DUOX2: variants seen among roughly 807,000 people sequenced by gnomAD.
DUOX2 encodes the protein NADH/NADPH thyroid oxidase p138-tox.
In DUOX2, 185 loss-of-function variants were observed where a neutral mutation model predicts 183.3. The ratio of observed to expected loss-of-function variants is 1.01; its 90% CI spans 0.90 to 1.14. DUOX2 has a LOEUF of 1.14. DUOX2 is among the 50% of genes most tolerant of loss of function. The pLI is 0.00. For missense variants in DUOX2, 1,999 were observed against 2,022.9 expected (o/e 0.99, Z 0.23); for synonymous variants, 788 against 812.4 (o/e 0.97, Z 0.51).
chr15:45,106,174 T>C lies in DUOX2; in HGVS notation c.2099A>G (p.Asn700Ser), dbSNP rs758340800. Residue 700 changes from asparagine to serine, a missense_variant, in exon 17 of 34, where the codon AAC (asparagine) becomes AGC (serine). This residue lies in a region of DUOX2 where 1,628 missense variants were observed against 1,608.6 expected (regional missense o/e 1.01). Coordinates refer to ENST00000389039, the MANE Select transcript of DUOX2 (RefSeq NM_001363711.2). ...LQQVNLILSN[N>S]RGCRTLLLKI... The stretch of plus-strand genomic sequence containing the variant: ...GAGCAGCAGGGTGCGGCATCCTCGG[T>C]TGTTGGACAGGATGAGGTTGACCTG... 5.6e-6 allele frequency: 9 copies of C among 1,614,148 alleles called. No homozygotes were observed. Among genetic ancestry groups the C allele is most frequent in the Non-Finnish European group, 5.9e-6 (7 of 1,180,002 alleles).
chr15:45,108,430 C>G, intron 12 of DUOX2: 1 of 628,006 alleles, frequency 1.6e-6, no homozygotes, highest in Non-Finnish European at 2.8e-6. Context: ...GGTCAGGTGC[C>G]CTAGGACCAT....
intron 33 of DUOX2, 97 bp from the exon 34 acceptor site, chr15:45,094,369 G>C (rs1893844454): frequency 1.9e-6 from 3 of 1,587,576 alleles, no homozygotes; most frequent in Admixed American, 3.5e-5. Flanking sequence ...AATGACTAAG[G>C]CTTCAAGCCC....
In DUOX2 at chr15:45,113,237, C is replaced by A. The variant is rs552624293; in HGVS notation, c.70+105G>T. 5.0e-4 allele frequency: 727 copies of A among 1,468,348 alleles called. 7 individuals carry two copies. The African/African-American group carries it at 9.6e-3, about 19-fold the overall frequency. 91.0% of individuals were successfully genotyped at this position (1,468,348 alleles called of 1,614,324 possible). On this transcript the variant is annotated intron_variant, in intron 2 of 33. Coordinates refer to ENST00000389039, the MANE Select transcript of DUOX2 (RefSeq NM_001363711.2). ...TTTCCCATCCCGCTGAGCTGCACGG[C>A]GAAATGACCTTCCAGTCTCAGGGAG...
At chr15:45,113,201 G>A in intron 2 of DUOX2, 125 bp from the exon 3 acceptor site, 2 of 1,432,150 alleles carry the variant, frequency 1.4e-6, no homozygotes, top group Non-Finnish European at 1.9e-6. Context: ...GTGTCGGGCC[G>A]CACTGGGAAG....
In DUOX2 at chr15:45,106,584, A is replaced by G; in HGVS notation, c.1889T>C (p.Leu630Pro). ...CACGCTCTCTTTGAGTTTCTTTTGT[A>G]GCTTCTTGTGTTCTCGGCCCCGGAA... ...AYFRGREHKK[L>P]QKKLKESVKK... Residue 630 changes from leucine (L) to proline (P), a missense_variant, in exon 16 of 34, where the codon CTA (leucine) becomes CCA (proline). Transcript: ENST00000389039. The G allele has an allele frequency of 6.2e-7, 1 of 1,613,898 alleles. No homozygotes were observed. The highest frequency in any genetic ancestry group is 1.6e-4 in the Middle Eastern group (1 of 6,062).
At chr15:45,099,970 T>C in intron 24 of DUOX2, 78 bp from the exon 25 acceptor site, 1 of 1,612,294 alleles carries the variant, frequency 6.2e-7, no homozygotes, top group South Asian at 1.1e-5. Context: ...ATGCAGACTC[T>C]TAGGATCAGA....
At position 45,112,599 on chromosome 15, in the gene DUOX2, C is replaced by T; in HGVS notation, c.280G>A (p.Gly94Ser). 1 of 1,612,958 alleles carries T rather than the reference C, an allele frequency of 6.2e-7. No homozygotes were observed. The highest frequency in any genetic ancestry group is 8.5e-7 in the Non-Finnish European group (1 of 1,179,728). Residue 94 changes from glycine to serine, a missense_variant, in exon 4 of 34, where the codon GGC becomes AGC. By Grantham distance (56) the Gly-to-Ser change is moderately conservative. Coordinates refer to ENST00000389039, the MANE Select transcript of DUOX2 (RefSeq NM_001363711.2). The stretch of plus-strand genomic sequence containing the variant: ...GTGCGGTTGTGGAGCGACGGCAGGC[C>T]GGCTATGCCCCGCGTGGCTGCGTTG... ...LSNAATRGIA[G>S]LPSLHNRTVL... is the part of the protein sequence containing the mutation.
intron 14 of DUOX2, 66 bp from the exon 15 acceptor site, chr15:45,107,035 C>T (rs1894238698): frequency 1.9e-6 from 3 of 1,551,234 alleles, no homozygotes; most frequent in Non-Finnish European, 2.6e-6. Flanking sequence ...ACCTCTTTCC[C>T]CTCTATCCTA....
In DUOX2 at chr15:45,111,213, G is replaced by A. The variant is rs1894386911; in HGVS notation, c.780C>T (p.Arg260=). ...GCCTCTGCGCCCACAGGTTGTGGTA[G>A]CGGAACCAGAGCAGGCCCAGCGCCT... ...FLQALGLLWF[R]YHNLWAQRLA... Residue 260 remains arginine (R), a synonymous_variant, in exon 7 of 34, where the codon CGC becomes CGT. Coordinates refer to ENST00000389039, the MANE Select transcript of DUOX2 (RefSeq NM_001363711.2). 7.8e-7 allele frequency: 1 copy of A among 1,282,632 alleles called. No homozygotes were observed. The highest frequency in any genetic ancestry group is 1.1e-6 in the Non-Finnish European group (1 of 936,726). 79.5% of individuals were successfully genotyped at this position (1,282,632 alleles called of 1,614,324 possible). A position where few individuals can be genotyped will look rare whatever the true frequency, so the allele number is the denominator to read the frequency against.
Position 45,108,363 on chromosome 15 carries a change from T to C in DUOX2, c.1399-141A>G, listed in dbSNP as rs1362113578. On this transcript the variant is annotated intron_variant, in intron 12 of 33. Transcript: ENST00000389039. Reference sequence around the variant, plus strand: ...ATTTCCTCTTCTTAGGCAAGCCCCCTCAGGCAGGACAAGTCTGGTGGAAGG... The same window carrying C: ...ATTTCCTCTTCTTAGGCAAGCCCCCCCAGGCAGGACAAGTCTGGTGGAAGG... The C allele has an allele frequency of 9.0e-6, 9 of 1,003,522 alleles. No homozygotes were observed. In the East Asian group the frequency reaches 2.1e-4, roughly 23 times the overall value. 62.2% of individuals were successfully genotyped at this position (1,003,522 alleles called of 1,614,324 possible).
Position 45,108,767 on chromosome 15 carries a change from TATTATC to T in DUOX2, c.1398+16_1398+21del, listed in dbSNP as rs1220708303. 6.2e-7 allele frequency: 1 copy of T among 1,613,776 alleles called. No individual in the cohort carries two copies. Among genetic ancestry groups the T allele is most frequent in the South Asian group, 1.1e-5 (1 of 91,034 alleles). On this transcript the variant is annotated intron_variant, in intron 12 of 33. Transcript: ENST00000389039. ...GCCATAGGAAAGCTTTAGCTGCCAT[TATTATC>T]ATTACTATTCCTGACCTGGGGGTCC...
Position 45,094,671 on chromosome 15 carries a change from G to A in DUOX2, c.4416C>T (p.Phe1472=). 1 of 1,614,110 alleles carries A rather than the reference G, an allele frequency of 6.2e-7. No individual in the cohort carries two copies. The highest frequency in any genetic ancestry group is 8.5e-7 in the Non-Finnish European group (1 of 1,180,002). Residue 1472 remains phenylalanine (F), a synonymous_variant, in exon 33 of 34, where the codon TTC becomes TTT. Transcript: ENST00000389039. The stretch of plus-strand genomic sequence containing the variant: ...ACAGACTCCGGTTCAGCACTTTCTG[G>A]AAGTGCCGCTCGCAGATGTACTGGG... ...TTMLYICERH[F]QKVLNRSLFT...
At chr15:45,112,917 G>T (rs2141160016) in intron 3 of DUOX2, 70 bp downstream of exon 3, 6 of 1,580,720 alleles carry the variant, frequency 3.8e-6, no homozygotes, top group Non-Finnish European at 5.2e-6. Context: ...CAGATTCCCC[G>T]CTCAGGGCCT....
Position 45,094,644 on chromosome 15 carries a change from G to C in DUOX2, c.4443C>G (p.Phe1481Leu). The change falls in exon 33 of 34, where the codon TTC (phenylalanine) becomes TTG (leucine). Residue 1481 changes from phenylalanine to leucine, a missense_variant. By Grantham distance (22) the Phe-to-Leu change is conservative (BLOSUM62 0). Around this residue, in one of 3 missense-constraint regions of DUOX2, gnomAD observed 1,628 missense variants for 1,608.6 expected, o/e 1.01. Transcript: ENST00000389039. ...HFQKVLNRSL[F>L]TGLRSITHFG... ...AGTGGGTGATGGAGCGCAGGCCCGT[G>C]AACAGACTCCGGTTCAGCACTTTCT... 4 of 1,614,174 alleles carry C rather than the reference G, an allele frequency of 2.5e-6. No individual in the cohort carries two copies. Among genetic ancestry groups the C allele is most frequent in the Non-Finnish European group, 3.4e-6 (4 of 1,180,020 alleles).
At chr15:45,097,119 T>C (rs961161198) in intron 29 of DUOX2, 119 bp downstream of exon 29, 2 of 1,493,122 alleles carry the variant, frequency 1.3e-6, no homozygotes, top group Non-Finnish European at 1.8e-6. Context: ...TTTGTTGTTG[T>C]TGTTTTTGGA....
chr15:45,105,634 TC>T lies in DUOX2; in HGVS notation c.2334+8del, dbSNP rs1409355704. 1.9e-6 allele frequency: 3 copies of T among 1,614,012 alleles called. No homozygotes were observed. Among genetic ancestry groups the T allele is most frequent in the Non-Finnish European group, 2.5e-6 (3 of 1,180,028 alleles). ...TGGACCCATCTCCAAAAGGCACAGG[TC>T]ATGGCACCTGAGCAAAAAGGTGTCT... On this transcript the variant is annotated splice_region_variant and intron_variant, in intron 18 of 33. Coordinates refer to ENST00000389039, the MANE Select transcript of DUOX2 (RefSeq NM_001363711.2).
chr15:45,094,556 G>C lies in DUOX2; in HGVS notation c.4524+7C>G, dbSNP rs767845393. On this transcript the variant is annotated splice_region_variant and intron_variant, in intron 33 of 33. Coordinates refer to ENST00000389039, the MANE Select transcript of DUOX2 (RefSeq NM_001363711.2). ...AGAGTCCCAGGGTGGGAGGGAGTGG[G>C]ACTGACCTGTGGGTGGACCTCCTGC... is the stretch of plus-strand genomic sequence containing the variant. 1 of 1,612,216 alleles carries C rather than the reference G, an allele frequency of 6.2e-7. No homozygotes were observed. The highest frequency in any genetic ancestry group is 8.5e-7 in the Non-Finnish European group (1 of 1,179,252).
At chr15:45,112,793 C>G (rs570077183) in intron 3 of DUOX2, 75 bp from the exon 4 acceptor site, 1 of 1,596,922 alleles carries the variant, frequency 6.3e-7, no homozygotes, top group East Asian at 2.2e-5. Context: ...CCTAAGCCTC[C>G]CTCAACCCCC....
chr15:45,103,790 T>C (rs953210386), intron 20 of DUOX2, among the ~76,000 whole-genome samples, 170 bp downstream of exon 20: 1 of 151,786 alleles, frequency 6.6e-6, no homozygotes, highest in Non-Finnish European at 1.5e-5. Context: ...CAGGAGCCAG[T>C]CAGGTAAATA....
Sources: allele counts gnomAD v4.1 joint callset (sites outside exome capture counted in the v4.1 genomes callset), GRCh38; gene constraint gnomAD v4.1.1; regional missense constraint gnomAD v4.1.1; transcripts MANE v1.5; gene names NCBI Gene and HGNC (gene_info 2026-07-23, HGNC 2026-07-21).